CHD9: variants seen among roughly 807,000 people sequenced by gnomAD.
The protein encoded by CHD9 is chromodomain helicase DNA binding protein 9.
CHD9 carries 77 observed loss-of-function variants against 316.1 expected under a neutral mutation model. That is an observed-to-expected ratio of 0.24 (90% CI 0.20 to 0.29). The LOEUF is 0.29. Ranked by LOEUF, CHD9 falls within the 10% of genes least tolerant of loss-of-function variation. The probability of loss-of-function intolerance (pLI) is 1.00; values close to 1 mark genes in which losing one functional copy is unlikely to be tolerated. For synonymous variants in CHD9, 1,129 were observed against 1,158.3 expected, an observed-to-expected ratio of 0.97 and a Z score of 0.51; for missense variants, 2,763 against 3,438.1, an observed-to-expected ratio of 0.80 and a Z score of 4.91.
chr16:53,210,685 G>A lies in CHD9; in HGVS notation c.1784+872G>A, dbSNP rs79231128. ...CTTTTCTCTTTTTCACAAAAAGTCC[G>A]CAATAAAGAATGTCTTTATTGTGAA... On this transcript the variant is annotated intron_variant, in intron 3 of 38. Coordinates refer to ENST00000447540, the MANE Select transcript of CHD9 (RefSeq NM_001308319.2). Among the ~76,000 whole-genome samples, 65 of 151,982 alleles carry A rather than the reference G, an allele frequency of 4.3e-4. No individual in the cohort carries two copies. The East Asian group carries it at 8.5e-3, about 20-fold the overall frequency.
At chr16:53,155,251 C>A (rs1199911567) in intron 1 of CHD9, among the ~76,000 whole-genome samples, 1 of 151,606 alleles carries the variant, frequency 6.6e-6, no homozygotes, top group African/African-American at 2.4e-5. Flanking sequence ...GAGACAGTGT[C>A]TCACTCTGTT....
At chr16:53,211,355 G>A (rs2152876072) in intron 3 of CHD9, among the ~76,000 whole-genome samples, 1 of 152,184 alleles carries the variant, frequency 6.6e-6, no homozygotes, top group East Asian at 1.9e-4. Flanking sequence ...ATATAGTAAG[G>A]GGAGTAGTAA....
rs185003531 is a variant in CHD9, at chr16:53,102,681, C to G, written c.-165+47604C>G. ...CCTGGGTAACATAGCAAGACTCCAT[C>G]TCTGCAAAAAAATAAAAAATTAGCC... On this transcript the variant is annotated intron_variant, in intron 1 of 38. Transcript: ENST00000447540. 2.6e-3 allele frequency among the ~76,000 whole-genome samples: 381 copies of G among 147,228 alleles called. 1 individual carries two copies. Among genetic ancestry groups the G allele is most frequent in the Middle Eastern group, 7.2e-3 (2 of 276 alleles).
At chr16:53,280,335 A>G (rs1330490167) in intron 24 of CHD9, among the ~76,000 whole-genome samples, 2 of 152,186 alleles carry the variant, frequency 1.3e-5, no homozygotes, top group Non-Finnish European at 2.9e-5. Context: ...ATGATGGAAT[A>G]CTACTCAGCC....
Position 53,324,994 on chromosome 16 carries a change from A to G in CHD9, c.*99A>G. 1 of 1,008,034 alleles carries G rather than the reference A, an allele frequency of 9.9e-7. No individual in the cohort carries two copies. Among genetic ancestry groups the G allele is most frequent in the Non-Finnish European group, 1.4e-6 (1 of 709,358 alleles). The allele number at this position is 1,008,034 out of a possible 1,614,324, so 62.4% of individuals were successfully genotyped here. A position where few individuals can be genotyped will look rare whatever the true frequency, so the allele number is the denominator to read the frequency against. ...TGTTGAGTGCATCAATAACTTACTG[A>G]CCGAACATTTCAGTTATTTGTTTAG... On this transcript the variant is annotated 3_prime_UTR_variant, in exon 39 of 39. Coordinates refer to ENST00000447540, the MANE Select transcript of CHD9 (RefSeq NM_001308319.2).
chr16:53,301,744 C>T (rs1227122316), intron 30 of CHD9, among the ~76,000 whole-genome samples: 1 of 150,282 alleles, frequency 6.7e-6, no homozygotes, highest in Admixed American at 6.7e-5. Flanking sequence ...ATCTCTCACC[C>T]TTCCTCTCTC....
Position 53,276,679 on chromosome 16 carries a change from T to C in CHD9, c.4967+2377T>C, listed in dbSNP as rs193250344. Among the ~76,000 whole-genome samples, 3 of 152,300 alleles carry C rather than the reference T, an allele frequency of 2.0e-5. No homozygotes were observed. In the East Asian group the frequency reaches 5.8e-4, roughly 29 times the overall value. ...CTTTACTCTTACCTTTCTGGGACTT[T>C]ACCTTTCTTGGATCTTTTTTTCTCT... On this transcript the variant is annotated intron_variant, in intron 24 of 38. Coordinates refer to ENST00000447540, the MANE Select transcript of CHD9 (RefSeq NM_001308319.2).
rs146918264 is a variant in CHD9, at chr16:53,270,065, C to T, written c.4717+1939C>T. 3.1e-3 allele frequency among the ~76,000 whole-genome samples: 471 copies of T among 151,886 alleles called. 4 individuals carry two copies. The highest frequency in any genetic ancestry group is 0.011 in the African/African-American group (443 of 41,410). ...TGTTGCCCAAGCTAGAGTGTTGTGA[C>T]GTGAACACGGCTCACTGCAGCCTCA... is the stretch of plus-strand genomic sequence containing the variant. On this transcript the variant is annotated intron_variant, in intron 22 of 38. Coordinates refer to ENST00000447540, the MANE Select transcript of CHD9 (RefSeq NM_001308319.2).
intron 1 of CHD9, among the ~76,000 whole-genome samples, chr16:53,145,980 C>G (rs770527357): frequency 3.3e-5 from 5 of 151,968 alleles, no homozygotes; most frequent in Non-Finnish European, 7.4e-5. Context: ...AAGACAAATC[C>G]TGTATGATTG....
rs967002693 is a variant in CHD9 at position 53,267,590 on chromosome 16, A to G, written c.4517+100A>G. 6 of 862,614 alleles carry G rather than the reference A, an allele frequency of 7.0e-6. No homozygotes were observed. The African/African-American group carries it at 1.1e-4, about 15-fold the overall frequency. The allele number at this position is 862,614 out of a possible 1,614,324, so 53.4% of individuals were successfully genotyped here. A position where few individuals can be genotyped will look rare whatever the true frequency, so the allele number is the denominator to read the frequency against. ...GTATATTTTTTATCTTCTTAGAATC[A>G]TTAAAATTTACTTTTAAAGTACTCT... On this transcript the variant is annotated intron_variant, in intron 21 of 38. Transcript: ENST00000447540.
chr16:53,303,750 C>G lies in CHD9; in HGVS notation c.5744C>G (p.Pro1915Arg), dbSNP rs1294808716. 1 of 1,610,216 alleles carries G rather than the reference C, an allele frequency of 6.2e-7. No individual in the cohort carries two copies. Among genetic ancestry groups the G allele is most frequent in the Admixed American group, 1.7e-5 (1 of 59,614 alleles). ...ELVDPNIFIQ[P>R]ITEERASRTL... ...GTGGATCCAAATATTTTTATCCAGCCCATCACAGAAGAACGTGCTTCTAGG... is the reference window on the plus strand; with the variant it reads ...GTGGATCCAAATATTTTTATCCAGCGCATCACAGAAGAACGTGCTTCTAGG... The change falls in exon 31 of 39, where the codon CCC becomes CGC. Residue 1915 changes from proline (P) to arginine (R), a missense_variant. Pro to Arg is a moderately radical substitution (Grantham distance 103). Around this residue, in one of 15 missense-constraint regions of CHD9, gnomAD observed 663 missense variants for 751.2 expected, o/e 0.88. Transcript: ENST00000447540.
intron 35 of CHD9, 112 bp from the exon 36 acceptor site, chr16:53,314,711 C>A: frequency 9.3e-7 from 1 of 1,071,188 alleles, no homozygotes; most frequent in Non-Finnish European, 1.3e-6. Flanking sequence ...AAAGATTTAG[C>A]AGAATTTTTA....
chr16:53,247,414 C>G lies in CHD9; in HGVS notation c.3576C>G (p.Pro1192=). The G allele has an allele frequency of 6.2e-7, 1 of 1,608,636 alleles. No individual in the cohort carries two copies. Among genetic ancestry groups the G allele is most frequent in the South Asian group, 1.1e-5 (1 of 89,818 alleles). ...TGGTCCTTATTGATAAATTGCTTCCCAAAATGAAAGCCGGAGGTCATAAAG... is the reference window on the plus strand; with the variant it reads ...TGGTCCTTATTGATAAATTGCTTCCGAAAATGAAAGCCGGAGGTCATAAAG... ...GKLVLIDKLL[P]KMKAGGHKVL... Residue 1192 remains proline (P), a synonymous_variant, in exon 16 of 39, where the codon CCC becomes CCG. Coordinates refer to ENST00000447540, the MANE Select transcript of CHD9 (RefSeq NM_001308319.2).
intron 1 of CHD9, among the ~76,000 whole-genome samples, chr16:53,057,351 A>T (rs962755671): frequency 8.6e-5 from 12 of 139,906 alleles, no homozygotes; most frequent in African/African-American, 2.3e-4. Context: ...TGGCTCATTT[A>T]AAAAAAAAAA....
intron 7 of CHD9, among the ~76,000 whole-genome samples, chr16:53,228,665 A>T (rs2047889816): frequency 6.6e-6 from 1 of 152,016 alleles, no homozygotes; most frequent in African/African-American, 2.4e-5. Flanking sequence ...GTTTCAAAAC[A>T]AGTTAGCTTT....
At chr16:53,171,349 G>A (rs2042705152) in intron 2 of CHD9, among the ~76,000 whole-genome samples, 1 of 151,936 alleles carries the variant, frequency 6.6e-6, no homozygotes, top group Non-Finnish European at 1.5e-5. Context: ...AACCTGGGAG[G>A]CAGAGCTTGC....
chr16:53,089,876 C>G (rs1567319697), intron 1 of CHD9, among the ~76,000 whole-genome samples: 1 of 152,208 alleles, frequency 6.6e-6, no homozygotes, highest in Non-Finnish European at 1.5e-5. Context: ...GACTGATCCC[C>G]TTTACACCAG....
chr16:53,129,008 A>G (rs1362613891), intron 1 of CHD9, among the ~76,000 whole-genome samples: 1 of 152,212 alleles, frequency 6.6e-6, no homozygotes, highest in Non-Finnish European at 1.5e-5. Context: ...ACAGAAGTTC[A>G]AAACAAAACA....
chr16:53,218,836 A>G (rs1357010725), intron 3 of CHD9, among the ~76,000 whole-genome samples: 1 of 149,906 alleles, frequency 6.7e-6, no homozygotes, highest in Non-Finnish European at 1.5e-5. Flanking sequence ...GTTCTCATCT[A>G]CAAACTATTT....
Sources: gnomAD v4.1 joint callset for allele counts (sites outside exome capture counted in the v4.1 genomes callset) on GRCh38, gnomAD v4.1.1 for gene constraint, gnomAD v4.1.1 regional missense constraint, MANE v1.5 for transcripts, NCBI Gene and HGNC (gene_info 2026-07-23, HGNC 2026-07-21) for gene names.